The following SMARCC1 variants were observed in gnomAD, a reference collection of about 807,000 sequenced individuals.
The protein encoded by SMARCC1 is SWI/SNF complex subunit SMARCC1.
Under a neutral mutation model 147.4 loss-of-function variants are expected in SMARCC1, and 43 were observed. The ratio of observed to expected loss-of-function variants is 0.29; its 90% CI spans 0.23 to 0.38. The LOEUF (loss-of-function observed/expected upper bound fraction) is 0.38. SMARCC1 is among the 10% of genes least tolerant of loss of function. SMARCC1 has a pLI of 1.00. For synonymous variants in SMARCC1, 495 were observed against 484.4 expected (o/e 1.02, Z -0.29); for missense variants, 1,119 against 1,381.1 (o/e 0.81, Z 3.01).
chr3:47,669,548 TTAAA>T (rs1203719178), intron 19 of SMARCC1, among the ~76,000 whole-genome samples: 1 of 151,996 alleles, frequency 6.6e-6, no homozygotes, highest in Admixed American at 6.6e-5. Context: ...GGAAAGATAG[TTAAA>T]TAAATAAGTA....
At chr3:47,588,806 T>C (rs1169322295) in intron 27 of SMARCC1, among the ~76,000 whole-genome samples, 1 of 146,424 alleles carries the variant, frequency 6.8e-6, no homozygotes, top group African/African-American at 2.5e-5. Context: ...AGAGCTTCAC[T>C]TGAGGCAGTT....
intron 1 of SMARCC1, among the ~76,000 whole-genome samples, chr3:47,780,209 T>C (rs981596551): frequency 4.0e-5 from 6 of 148,992 alleles, no homozygotes; most frequent in Non-Finnish European, 7.4e-5. Flanking sequence ...TCTTACTTTA[T>C]TACCTAGGCT....
rs764351190 is a variant in SMARCC1 at position 47,710,943 on chromosome 3, A to C, written c.793-135T>G. ...AAACATTAATAATGTGATACTACTA[A>C]TGATATGTGAGTTGTAATTTAATCA... is the stretch of plus-strand genomic sequence containing the variant. On this transcript the variant is annotated intron_variant, in intron 8 of 27. Transcript: ENST00000254480. 1.7e-4 allele frequency: 97 copies of C among 556,104 alleles called. 2 individuals are homozygous for C. The highest frequency in any genetic ancestry group is 8.1e-4 in the South Asian group (30 of 37,014). The allele number at this position is 556,104 out of a possible 1,614,324, so 34.4% of individuals were successfully genotyped here.
chr3:47,693,967 G>A (rs568319186), intron 11 of SMARCC1, among the ~76,000 whole-genome samples: 77 of 152,204 alleles, frequency 5.1e-4, no homozygotes, highest in South Asian at 3.3e-3. Context: ...CCGGCCAAAC[G>A]AATATCTTTT....
chr3:47,685,262 T>C (rs1042747454), intron 14 of SMARCC1, among the ~76,000 whole-genome samples: 1 of 152,060 alleles, frequency 6.6e-6, no homozygotes, highest in African/African-American at 2.4e-5. Context: ...AAAAAAAGGA[T>C]GATTCATACT....
At chr3:47,627,618 CGAGGT>C (rs2032829777) in intron 24 of SMARCC1, among the ~76,000 whole-genome samples, 1 of 152,078 alleles carries the variant, frequency 6.6e-6, no homozygotes, top group Non-Finnish European at 1.5e-5. Flanking sequence ...GTAAAGAGCT[CGAGGT>C]GCGGCTATAA....
chr3:47,625,008 C>T (rs1348093458), intron 24 of SMARCC1, among the ~76,000 whole-genome samples: 1 of 151,434 alleles, frequency 6.6e-6, no homozygotes, highest in African/African-American at 2.4e-5. Flanking sequence ...CCAGCCTAGG[C>T]GACAGAGCAA....
At chr3:47,696,632 C>A (rs2106782020) in intron 11 of SMARCC1, among the ~76,000 whole-genome samples, 1 of 151,386 alleles carries the variant, frequency 6.6e-6, no homozygotes, top group Non-Finnish European at 1.5e-5. Context: ...GATTCTCCTG[C>A]CTCAGCCTCC....
chr3:47,626,571 AG>A (rs1473982374), intron 24 of SMARCC1, among the ~76,000 whole-genome samples: 1 of 152,182 alleles, frequency 6.6e-6, no homozygotes, highest in African/African-American at 2.4e-5. Context: ...AAGGCCCATT[AG>A]TTATTTTCCA....
Position 47,703,154 on chromosome 3 carries a change from TA to T in SMARCC1, c.1041-1753del, listed in dbSNP as rs2033946967. Among the ~76,000 whole-genome samples the T allele has an allele frequency of 2.0e-5, 3 of 151,154 alleles. No individual in the cohort carries two copies. The South Asian group carries it at 6.2e-4, about 31-fold the overall frequency. ...TCACCATGCTGCCCAGGCTGGTCTC[TA>T]ACTCCTGAGCTCAGGCAATCTGCCC... On this transcript the variant is annotated intron_variant, in intron 10 of 27. Coordinates refer to ENST00000254480, the MANE Select transcript of SMARCC1 (RefSeq NM_003074.4).
chr3:47,762,739 T>A (rs1296167146), intron 2 of SMARCC1, among the ~76,000 whole-genome samples: 1 of 151,970 alleles, frequency 6.6e-6, no homozygotes, highest in Non-Finnish European at 1.5e-5. Flanking sequence ...CTGGCCAACA[T>A]GGTGAAACCC....
intron 26 of SMARCC1, among the ~76,000 whole-genome samples, chr3:47,609,547 T>C (rs900473710): frequency 1.3e-5 from 2 of 151,960 alleles, no homozygotes; most frequent in Non-Finnish European, 2.9e-5. Flanking sequence ...GAAGTCTATC[T>C]CATTTCCCAA....
chr3:47,744,449 T>C (rs924448057), intron 3 of SMARCC1, among the ~76,000 whole-genome samples: 5 of 152,176 alleles, frequency 3.3e-5, no homozygotes, highest in African/African-American at 1.2e-4. Context: ...ACATGTAAGT[T>C]TGTATCTCCT....
intron 10 of SMARCC1, among the ~76,000 whole-genome samples, chr3:47,701,976 G>A (rs986756110): frequency 1.3e-5 from 2 of 151,686 alleles, no homozygotes; most frequent in African/African-American, 4.9e-5. Flanking sequence ...TCACAAAAGG[G>A]ACCTAAATTA....
chr3:47,780,172 T>TTTG (rs1553693490), intron 1 of SMARCC1, among the ~76,000 whole-genome samples: 4 of 134,194 alleles, frequency 3.0e-5, no homozygotes, highest in Non-Finnish European at 6.4e-5. Flanking sequence ...TTTTTTGTTT[T>TTTG]TTTTTTTTTT....
intron 8 of SMARCC1, among the ~76,000 whole-genome samples, chr3:47,712,819 T>C (rs2034104774): frequency 6.6e-6 from 1 of 152,182 alleles, no homozygotes; most frequent in Non-Finnish European, 1.5e-5. Flanking sequence ...ACTACTTAAC[T>C]TGTGGAGCCT....
chr3:47,655,470 G>A (rs538905643), intron 21 of SMARCC1, among the ~76,000 whole-genome samples: 101 of 152,108 alleles, frequency 6.6e-4, no homozygotes, highest in African/African-American at 2.4e-3. Flanking sequence ...GCTGAGGCGG[G>A]CAGATCACTT....
intron 26 of SMARCC1, among the ~76,000 whole-genome samples, chr3:47,597,545 C>T (rs2032310306): frequency 6.6e-6 from 1 of 152,130 alleles, no homozygotes; most frequent in African/African-American, 2.4e-5. Flanking sequence ...CCAGGATGGT[C>T]TCGATTTCCT....
At chr3:47,770,150 C>A (rs1264879648) in intron 2 of SMARCC1, among the ~76,000 whole-genome samples, 1 of 151,792 alleles carries the variant, frequency 6.6e-6, no homozygotes, top group Admixed American at 6.6e-5. Flanking sequence ...ATGGCATGAA[C>A]CCGGTAGGCA....
Sources: allele counts gnomAD v4.1 joint callset (sites outside exome capture counted in the v4.1 genomes callset), GRCh38; gene constraint gnomAD v4.1.1; transcripts MANE v1.5; gene names NCBI Gene and HGNC (gene_info 2026-07-23, HGNC 2026-07-21).